Variants in RAB37 observed in about 807,000 individuals in gnomAD.
The protein encoded by RAB37 is ras-related protein Rab-37.
A neutral mutation model predicts 33.1 loss-of-function variants in RAB37; 29 were observed. The observed-to-expected ratio is 0.88, with a 90% CI of 0.65 to 1.20. The LOEUF is 1.20. RAB37 is among the 50% of genes most tolerant of loss of function. The pLI is 0.00. For missense variants in RAB37, 299 were observed against 301.1 expected, an observed-to-expected ratio of 0.99 and a Z score of 0.05; for synonymous variants, 128 against 119.5, an observed-to-expected ratio of 1.07 and a Z score of -0.47.
At chr17:74,726,699 C>T (rs957263119) in intron 1 of RAB37, among the ~76,000 whole-genome samples, 1 of 152,204 alleles carries the variant, frequency 6.6e-6, no homozygotes, top group Admixed American at 6.5e-5. Context: ...CCATGGACAA[C>T]CTCATGGTAA....
chr17:74,698,719 G>C, intron 1 of RAB37: 1 of 998,960 alleles, frequency 1.0e-6, no homozygotes, highest in Non-Finnish European at 1.4e-6. Flanking sequence ...ATGGAGGGTG[G>C]GAGGAAGCAA....
chr17:74,697,615 A>G (rs2032623258), intron 1 of RAB37, among the ~76,000 whole-genome samples: 1 of 152,128 alleles, frequency 6.6e-6, no homozygotes, highest in South Asian at 2.1e-4. Context: ...GCTGTTCTAG[A>G]AGAGAAAGAG....
At chr17:74,737,045 G>A (rs538866320), upstream of RAB37, 134 of 1,609,074 alleles carry the variant, frequency 8.3e-5, 1 homozygote, top group South Asian at 1.3e-3. Context: ...GAGCCGAGCC[G>A]GTGTTGCTCA....
At chr17:74,734,633 C>G (rs1332724734), upstream of RAB37, among the ~76,000 whole-genome samples, 1 of 152,128 alleles carries the variant, frequency 6.6e-6, no homozygotes, top group Non-Finnish European at 1.5e-5. Flanking sequence ...CACCTAAGGT[C>G]AGGAGTTCAA....
At chr17:74,737,138 G>A, upstream of RAB37, 1 of 1,588,402 alleles carries the variant, frequency 6.3e-7, no homozygotes, top group Non-Finnish European at 8.5e-7. Flanking sequence ...GTGTCGTCGA[G>A]GGGGCGACGG....
At chr17:74,691,852 C>A (rs961411926) in intron 1 of RAB37, among the ~76,000 whole-genome samples, 1 of 151,804 alleles carries the variant, frequency 6.6e-6, no homozygotes, top group Non-Finnish European at 1.5e-5. Flanking sequence ...TGATCTAAGG[C>A]CTTATGTTAT....
rs567723239 is a variant in RAB37 at position 74,729,850 on chromosome 17, T to A, written c.183+484T>A. Among the ~76,000 whole-genome samples the A allele has an allele frequency of 1.3e-5, 2 of 152,318 alleles. No individual in the cohort carries two copies. Among genetic ancestry groups the A allele is most frequent in the South Asian group, 4.1e-4 (2 of 4,826 alleles). On this transcript the variant is annotated intron_variant, in intron 2 of 7. Coordinates refer to the RAB37 transcript ENST00000340415. This position sits in a 1 kb window ranked among gnomAD's most constrained non-coding sequence, Gnocchi z 4.2. The stretch of plus-strand genomic sequence containing the variant: ...AATATGGGATAGCTCAGGTCAGCCC[T>A]CCAAGGCAAGAAGATCTGGAGGGAC...
chr17:74,742,134 G>T lies in RAB37; in HGVS notation c.205-120G>T. 1 of 1,229,328 alleles carries T rather than the reference G, an allele frequency of 8.1e-7. No homozygotes were observed. 76.2% of individuals were successfully genotyped at this position (1,229,328 alleles called of 1,614,324 possible). On this transcript the variant is annotated intron_variant, in intron 2 of 8. Coordinates refer to ENST00000392613, the MANE Select transcript of RAB37 (RefSeq NM_001006638.3). This position sits in a 1 kb window ranked among gnomAD's most constrained non-coding sequence, Gnocchi z 4.0. ...GCCCTGATGGTATGATCTGGCTGGAGACGGTTCTGGGGCTCACTGCACCCA... is the reference window on the plus strand; with the variant it reads ...GCCCTGATGGTATGATCTGGCTGGATACGGTTCTGGGGCTCACTGCACCCA...
intron 1 of RAB37, chr17:74,698,377 T>C (rs144781345): frequency 3.5e-4 from 559 of 1,612,206 alleles, no homozygotes; most frequent in Non-Finnish European, 4.2e-4. Flanking sequence ...ACCTTTCTGC[T>C]GGTACTTCAT....
intron 1 of RAB37, chr17:74,695,332 A>T (rs899953212): frequency 4.6e-6 from 7 of 1,538,088 alleles, no homozygotes; most frequent in African/African-American, 1.4e-5. Context: ...GGAGGAGGAT[A>T]GTGGGGATGG....
chr17:74,739,391 C>G (rs539409850), intron 1 of RAB37, among the ~76,000 whole-genome samples: 3 of 152,282 alleles, frequency 2.0e-5, no homozygotes, highest in Non-Finnish European at 2.9e-5. Context: ...TACTCCTGCC[C>G]GCACTACCCA....
intron 1 of RAB37, among the ~76,000 whole-genome samples, chr17:74,705,756 G>T (rs2033454150): frequency 6.6e-6 from 1 of 151,890 alleles, no homozygotes; most frequent in Admixed American, 6.6e-5. Context: ...CTCCACGCCT[G>T]GCTAATTTTT....
chr17:74,722,385 G>A lies in RAB37; in HGVS notation c.73-6871G>A, dbSNP rs548913422. Among the ~76,000 whole-genome samples, 15 of 152,284 alleles carry A rather than the reference G, an allele frequency of 9.9e-5. No individual in the cohort carries two copies. In the South Asian group the frequency reaches 3.1e-3, roughly 32 times the overall value. On this transcript the variant is annotated intron_variant, in intron 1 of 7. Coordinates refer to the RAB37 transcript ENST00000340415. ...ACTCTGTAGGGCCAGCCCAAAGGCT[G>A]TAAATTTTCAGGCGAGAGTTGATGC... is the stretch of plus-strand genomic sequence containing the variant.
At chr17:74,723,863 C>T (rs551702679) in intron 1 of RAB37, among the ~76,000 whole-genome samples, 1 of 152,130 alleles carries the variant, frequency 6.6e-6, no homozygotes, top group South Asian at 2.1e-4. Flanking sequence ...CATGAGCCAC[C>T]GCACCCGGCC....
intron 1 of RAB37, among the ~76,000 whole-genome samples, chr17:74,673,282 GAT>G (rs1410276537): frequency 6.6e-6 from 1 of 151,330 alleles, no homozygotes; most frequent in Non-Finnish European, 1.5e-5. Context: ...GTGCGCCTGT[GAT>G]CCCAGCTACT....
chr17:74,680,372 G>A (rs2031928349), intron 1 of RAB37, among the ~76,000 whole-genome samples: 1 of 152,038 alleles, frequency 6.6e-6, no homozygotes, highest in Admixed American at 6.6e-5. Flanking sequence ...ACTCAAGAGT[G>A]GCTCCATCTC....
chr17:74,686,582 C>T (rs190735592), intron 1 of RAB37, among the ~76,000 whole-genome samples: 3 of 151,886 alleles, frequency 2.0e-5, no homozygotes, highest in Admixed American at 6.6e-5. Flanking sequence ...TTAGTAGATA[C>T]GAGGTTTTGC....
At chr17:74,740,625 G>A in intron 1 of RAB37, 143 bp from the exon 2 acceptor site, 1 of 688,786 alleles carries the variant, frequency 1.5e-6, no homozygotes, top group Non-Finnish European at 2.6e-6. Flanking sequence ...GATGGCGGCT[G>A]GCTTTCTGGA....
chr17:74,674,297 G>A (rs1436544208), intron 1 of RAB37, among the ~76,000 whole-genome samples: 1 of 139,094 alleles, frequency 7.2e-6, no homozygotes, highest in East Asian at 2.0e-4. Context: ...GGCCAGGCTG[G>A]TCTTGAACTC....
Sources: gnomAD v4.1 joint callset for allele counts (sites outside exome capture counted in the v4.1 genomes callset) on GRCh38, gnomAD v4.1.1 for gene constraint, Gnocchi (gnomAD v3.1) non-coding constraint, MANE v1.5 for transcripts, NCBI Gene and HGNC (gene_info 2026-07-23, HGNC 2026-07-21) for gene names.